GALNT18: variants seen among roughly 807,000 people sequenced by gnomAD.
GALNT18 encodes the protein polypeptide N-acetylgalactosaminyltransferase 18.
GALNT18 carries 44 observed loss-of-function variants against 69.5 expected under a neutral mutation model. The observed-to-expected ratio is 0.63, with a 90% CI of 0.50 to 0.81. The LOEUF (loss-of-function observed/expected upper bound fraction) is 0.81, where lower values mean the gene tolerates loss of function less well. Ranked by LOEUF, GALNT18 falls within the 40% of genes least tolerant of loss-of-function variation. The pLI is 0.00. For synonymous variants in GALNT18, 364 were observed against 318.2 expected (o/e 1.14, Z -1.53); for missense variants, 715 against 810.0 (o/e 0.88, Z 1.42).
intron 1 of GALNT18, among the ~76,000 whole-genome samples, chr11:11,487,246 T>C (rs1466146028): frequency 1.3e-5 from 2 of 152,164 alleles, no homozygotes; most frequent in Admixed American, 1.3e-4. Context: ...CACAGTGGAC[T>C]TTGGGGGCTC....
chr11:11,409,959 C>T, intron 3 of GALNT18, among the ~76,000 whole-genome samples: 1 of 152,308 alleles, frequency 6.6e-6, no homozygotes, highest in East Asian at 1.9e-4. Flanking sequence ...GAAGTTAACT[C>T]AAAGCTCCCT....
At chr11:11,431,476 A>C (rs1384135595) in intron 3 of GALNT18, among the ~76,000 whole-genome samples, 2 of 152,148 alleles carry the variant, frequency 1.3e-5, no homozygotes, top group African/African-American at 2.4e-5. Context: ...TATGTTGCCT[A>C]TTTGCATCCT....
chr11:11,518,698 C>A (rs2133924263), intron 1 of GALNT18, among the ~76,000 whole-genome samples: 1 of 152,342 alleles, frequency 6.6e-6, no homozygotes, highest in South Asian at 2.1e-4. Flanking sequence ...CCTGTGGTCT[C>A]TGGCTTTTCA....
At chr11:11,559,375 C>A (rs1342741785) in intron 1 of GALNT18, among the ~76,000 whole-genome samples, 2 of 152,200 alleles carry the variant, frequency 1.3e-5, no homozygotes, top group Non-Finnish European at 2.9e-5. Flanking sequence ...TCCATCACAC[C>A]CCAACTGTCT....
chr11:11,329,384 T>C (rs930473004), intron 8 of GALNT18, among the ~76,000 whole-genome samples: 1 of 152,138 alleles, frequency 6.6e-6, no homozygotes, highest in Non-Finnish European at 1.5e-5. Flanking sequence ...AGAGATATTA[T>C]CTCTTTTAAG....
In GALNT18 at chr11:11,415,895, C is replaced by T. The variant is rs1162681935; in HGVS notation, c.595+16726G>A. Among the ~76,000 whole-genome samples, 2 of 152,214 alleles carry T rather than the reference C, an allele frequency of 1.3e-5. No individual in the cohort carries two copies. The highest frequency in any genetic ancestry group is 4.8e-5 in the African/African-American group (2 of 41,442). On this transcript the variant is annotated intron_variant, in intron 3 of 10. Coordinates refer to ENST00000227756, the MANE Select transcript of GALNT18 (RefSeq NM_198516.3). This position sits in a 1 kb window ranked among gnomAD's most constrained non-coding sequence, Gnocchi z 4.1. ...ATATGGAGTACACAGGTCTAGAGGG[C>T]AGCAGCTGGGCACCTAAGACTGTGG...
rs1434156418 is a variant in GALNT18 at position 11,363,399 on chromosome 11, C to T, written c.1092+9116G>A. Among the ~76,000 whole-genome samples the T allele has an allele frequency of 3.9e-5, 6 of 152,148 alleles. 1 individual carries two copies. ...TGTGGATAATAGGAATTTGACTGTA[C>T]ATCCTAGTGGGATAAAATCTAAAGA... is the stretch of plus-strand genomic sequence containing the variant. On this transcript the variant is annotated intron_variant, in intron 6 of 10. Coordinates refer to ENST00000227756, the MANE Select transcript of GALNT18 (RefSeq NM_198516.3).
rs908013304 is a variant in GALNT18 at position 11,340,242 on chromosome 11, A to G, written c.1278+577T>C. Among the ~76,000 whole-genome samples the G allele has an allele frequency of 9.1e-6, 1 of 109,930 alleles. No individual in the cohort carries two copies. The highest frequency in any genetic ancestry group is 1.8e-5 in the Non-Finnish European group (1 of 54,090). 72.1% of individuals were successfully genotyped at this position (109,930 alleles called of 152,430 possible). A position where few individuals can be genotyped will look rare whatever the true frequency, so the allele number is the denominator to read the frequency against. ...GCATTTCTTAAGTACAGGTGACCAG[A>G]GGGATAGAGGACAGTGGCAGGCAAT... On this transcript the variant is annotated intron_variant, in intron 7 of 10. Coordinates refer to ENST00000227756, the MANE Select transcript of GALNT18 (RefSeq NM_198516.3). This position sits in a 1 kb window ranked among gnomAD's most constrained non-coding sequence, Gnocchi z 4.2.
chr11:11,380,236 A>G (rs961240919), intron 3 of GALNT18, among the ~76,000 whole-genome samples: 1 of 152,176 alleles, frequency 6.6e-6, no homozygotes, highest in South Asian at 2.1e-4. Flanking sequence ...TCATGAGTCC[A>G]ATGGGACCTA....
At chr11:11,433,057 T>A (rs1343130387) in intron 2 of GALNT18, among the ~76,000 whole-genome samples, 1 of 152,258 alleles carries the variant, frequency 6.6e-6, no homozygotes, top group Non-Finnish European at 1.5e-5. Context: ...GGACAGCACA[T>A]GGCAGCTGGC....
intron 5 of GALNT18, among the ~76,000 whole-genome samples, chr11:11,375,833 G>A (rs1442965057): frequency 3.9e-5 from 6 of 152,222 alleles, no homozygotes; most frequent in Admixed American, 2.0e-4. Flanking sequence ...CTTCAGGAAA[G>A]TTAGGTGGTT....
intron 6 of GALNT18, among the ~76,000 whole-genome samples, chr11:11,365,367 G>A (rs1850740941): frequency 6.6e-6 from 1 of 152,164 alleles, no homozygotes. Context: ...TGGTGTATAT[G>A]TACCACATTT....
chr11:11,466,058 T>C (rs1165180364), intron 1 of GALNT18, among the ~76,000 whole-genome samples: 1 of 152,096 alleles, frequency 6.6e-6, no homozygotes, highest in East Asian at 1.9e-4. Flanking sequence ...TTTCACCCAT[T>C]ATACGCAAAC....
rs1158336592 is a variant in GALNT18, at chr11:11,621,455, C to T, written c.139G>A (p.Ala47Thr). ...TCTTCCTCCAGCTTCTTGTCGGGCGCCGGCTCCTGCCCCCGCACATACACG... is the reference window on the plus strand; with the variant it reads ...TCTTCCTCCAGCTTCTTGTCGGGCGTCGGCTCCTGCCCCCGCACATACACG... Reference protein sequence around the residue: ...ASVYVRGQEPAPDKKLEEDKG... With the variant: ...ASVYVRGQEPTPDKKLEEDKG... Residue 47 changes from alanine to threonine, a missense_variant, in exon 1 of 11, where the codon GCG (alanine) becomes ACG (threonine). Physicochemically the swap from Ala to Thr is moderately conservative, Grantham distance 58. Transcript: ENST00000227756. This position sits in a 1 kb window ranked among gnomAD's most constrained non-coding sequence, Gnocchi z 9.3. The T allele has an allele frequency of 6.2e-7, 1 of 1,614,176 alleles. No homozygotes were observed. The highest frequency in any genetic ancestry group is 1.1e-5 in the South Asian group (1 of 91,080).
chr11:11,444,193 A>G lies in GALNT18; in HGVS notation c.428+4551T>C, dbSNP rs1564952383. Among the ~76,000 whole-genome samples the G allele has an allele frequency of 1.3e-5, 2 of 152,016 alleles. No homozygotes were observed. The highest frequency in any genetic ancestry group is 2.9e-5 in the Non-Finnish European group (2 of 67,976). On this transcript the variant is annotated intron_variant, in intron 2 of 10. Transcript: ENST00000227756. The surrounding 1 kb of genome is among the most constrained non-coding windows in gnomAD (Gnocchi z 4.4). ...TCCCTGCCACAGAGAGGTGCCTTGC[A>G]GATGCCACCCTCCAGGCCCCGCCTC...
At chr11:11,369,911 T>C (rs1413349109) in intron 6 of GALNT18, among the ~76,000 whole-genome samples, 1 of 152,150 alleles carries the variant, frequency 6.6e-6, no homozygotes, top group African/African-American at 2.4e-5. Context: ...GCTGTTGCAA[T>C]ATCTTTTTTG....
Position 11,523,809 on chromosome 11 carries a change from T to A in GALNT18, c.236-74873A>T, listed in dbSNP as rs1020627755. 6.6e-6 allele frequency among the ~76,000 whole-genome samples: 1 copy of A among 151,844 alleles called. No individual in the cohort carries two copies. Among genetic ancestry groups the A allele is most frequent in the Non-Finnish European group, 1.5e-5 (1 of 68,012 alleles). On this transcript the variant is annotated intron_variant, in intron 1 of 10. Coordinates refer to ENST00000227756, the MANE Select transcript of GALNT18 (RefSeq NM_198516.3). The surrounding 1 kb of genome is among the most constrained non-coding windows in gnomAD (Gnocchi z 4.3). ...GCAACAGCAACAGCACTGGCTAACA[T>A]GGGTCAGAAGTGAATTAATTAAAGG...
intron 1 of GALNT18, among the ~76,000 whole-genome samples, chr11:11,548,226 T>C (rs980134981): frequency 6.6e-6 from 1 of 152,232 alleles, no homozygotes; most frequent in Non-Finnish European, 1.5e-5. Flanking sequence ...CTCCAAAAGT[T>C]TGAATAGCTC....
chr11:11,321,884 C>T (rs1379781879), intron 9 of GALNT18, among the ~76,000 whole-genome samples: 2 of 152,280 alleles, frequency 1.3e-5, no homozygotes, highest in Middle Eastern at 3.4e-3. Flanking sequence ...GGATTACAGG[C>T]GTGAGCCACC....
Sources: allele counts gnomAD v4.1 joint callset (sites outside exome capture counted in the v4.1 genomes callset), GRCh38; gene constraint gnomAD v4.1.1; non-coding constraint Gnocchi (gnomAD v3.1); transcripts MANE v1.5; gene names NCBI Gene and HGNC (gene_info 2026-07-23, HGNC 2026-07-21).